TBL1XR1: variants seen among roughly 807,000 people sequenced by gnomAD.
TBL1XR1 encodes the protein F-box-like/WD repeat-containing protein TBL1XR1.
A neutral mutation model predicts 66.9 loss-of-function variants in TBL1XR1; 5 were observed. That is an observed-to-expected ratio of 0.07 (90% CI 0.04 to 0.16). TBL1XR1 has a LOEUF of 0.16. Ranked by LOEUF, TBL1XR1 falls within the 10% of genes least tolerant of loss-of-function variation. The pLI is 1.00. For synonymous variants in TBL1XR1, 210 were observed against 206.0 expected (o/e 1.02, Z -0.17); for missense variants, 238 against 623.2 (o/e 0.38, Z 6.58).
chr3:177,177,995 G>A (rs763526646), intron 1 of TBL1XR1, among the ~76,000 whole-genome samples: 1 of 152,242 alleles, frequency 6.6e-6, no homozygotes, highest in South Asian at 2.1e-4. Flanking sequence ...CCTCTCTGAG[G>A]TGTTGGCATT....
At chr3:177,112,654 G>A (rs1725796097) in intron 1 of TBL1XR1, among the ~76,000 whole-genome samples, 3 of 151,940 alleles carry the variant, frequency 2.0e-5, no homozygotes, top group South Asian at 2.1e-4. Flanking sequence ...TTAGGTGCCC[G>A]GCCAAATTTC....
rs953969237 is a variant in TBL1XR1 at position 177,197,202 on chromosome 3, A to ACCGCCT, written c.-209_-204dup. On this transcript the variant is annotated 5_prime_UTR_variant, in exon 1 of 16. Transcript: ENST00000457928. Reference sequence around the variant, plus strand: ...AATTCCCCTCCTCGCCGCCGCCGCCACCGCCTCCAACCACCCCCAAAATAA... The same window carrying ACCGCCT: ...AATTCCCCTCCTCGCCGCCGCCGCCACCGCCTCCGCCTCCAACCACCCCCAAAATAA... The ACCGCCT allele has an allele frequency of 2.0e-5, 3 of 152,146 alleles. No homozygotes were observed. The highest frequency in any genetic ancestry group is 7.3e-5 in the African/African-American group (3 of 40,936). The allele number at this position is 152,146 out of a possible 1,614,324, so 9.4% of individuals were successfully genotyped here.
chr3:177,135,301 C>G, intron 1 of TBL1XR1, among the ~76,000 whole-genome samples: 1 of 60,546 alleles, frequency 1.7e-5, no homozygotes, highest in Admixed American at 1.8e-4. Context: ...CGCACAAGGC[C>G]GCACTCTGTG....
chr3:177,201,782 C>T (rs186894864), upstream of TBL1XR1: 1 of 152,296 alleles, frequency 6.6e-6, no homozygotes, highest in East Asian at 1.9e-4. Flanking sequence ...TACCCCCAGG[C>T]GTCTTGCTGA....
At chr3:177,198,392 T>G (rs879812309), upstream of TBL1XR1, among the ~76,000 whole-genome samples, 1 of 152,248 alleles carries the variant, frequency 6.6e-6, no homozygotes, top group Non-Finnish European at 1.5e-5. Flanking sequence ...ACTAAATGTT[T>G]ACTAAATATA....
intron 7 of TBL1XR1, among the ~76,000 whole-genome samples, chr3:177,049,272 A>G (rs1018930765): frequency 6.6e-6 from 1 of 152,216 alleles, no homozygotes; most frequent in Non-Finnish European, 1.5e-5. Context: ...GCAAAGAACA[A>G]CTATCTTGAT....
At chr3:177,083,522 A>C (rs1456038056) in intron 2 of TBL1XR1, among the ~76,000 whole-genome samples, 1 of 152,232 alleles carries the variant, frequency 6.6e-6, no homozygotes, top group Non-Finnish European at 1.5e-5. Flanking sequence ...GATGAATGCC[A>C]TAAAAAAACA....
chr3:177,040,300 G>C (rs1197974473), intron 10 of TBL1XR1, among the ~76,000 whole-genome samples: 1 of 152,156 alleles, frequency 6.6e-6, no homozygotes, highest in African/African-American at 2.4e-5. Flanking sequence ...GGGCAACAGA[G>C]TAAGACTACT....
At chr3:177,084,292 T>TC (rs1721857133) in intron 2 of TBL1XR1, among the ~76,000 whole-genome samples, 1 of 152,132 alleles carries the variant, frequency 6.6e-6, no homozygotes, top group Non-Finnish European at 1.5e-5. Context: ...CACCACTCAT[T>TC]CCTACCACCT....
At chr3:177,117,505 T>G (rs1174790430) in intron 1 of TBL1XR1, among the ~76,000 whole-genome samples, 1 of 152,200 alleles carries the variant, frequency 6.6e-6, no homozygotes, top group Non-Finnish European at 1.5e-5. Context: ...AAAATAATGT[T>G]AAAACAGTCA....
intron 1 of TBL1XR1, among the ~76,000 whole-genome samples, chr3:177,181,708 C>G (rs1734844033): frequency 6.6e-6 from 1 of 150,856 alleles, no homozygotes; most frequent in Non-Finnish European, 1.5e-5. Flanking sequence ...AAACCACAGT[C>G]AAAGAGAAGG....
chr3:177,084,096 A>G (rs984923903), intron 2 of TBL1XR1, among the ~76,000 whole-genome samples: 3 of 151,000 alleles, frequency 2.0e-5, no homozygotes, highest in Non-Finnish European at 4.4e-5. Context: ...TCAAAAAAAA[A>G]AAAAAAGAAA....
chr3:177,185,735 C>A (rs1333528647), intron 1 of TBL1XR1, among the ~76,000 whole-genome samples: 1 of 151,922 alleles, frequency 6.6e-6, no homozygotes, highest in African/African-American at 2.4e-5. Context: ...ATTGGCTGGG[C>A]ACAGCAGCTC....
chr3:177,174,438 A>G (rs1406940374), intron 1 of TBL1XR1, among the ~76,000 whole-genome samples: 1 of 145,286 alleles, frequency 6.9e-6, no homozygotes, highest in Non-Finnish European at 1.5e-5. Context: ...AAAGGTTATG[A>G]TGATGACAAA....
chr3:177,047,807 A>T (rs1716521742), intron 7 of TBL1XR1: 1 of 426,310 alleles, frequency 2.3e-6, no homozygotes, highest in African/African-American at 2.0e-5. Context: ...GATCTACATC[A>T]CCCCACCTCA....
At chr3:177,188,993 G>A (rs1735781809) in intron 1 of TBL1XR1, among the ~76,000 whole-genome samples, 1 of 151,902 alleles carries the variant, frequency 6.6e-6, no homozygotes, top group African/African-American at 2.4e-5. Flanking sequence ...GGATCACGAG[G>A]TCAGGGGTTC....
intron 10 of TBL1XR1, among the ~76,000 whole-genome samples, chr3:177,040,106 C>T (rs1715372698): frequency 6.6e-6 from 1 of 152,066 alleles, no homozygotes; most frequent in South Asian, 2.1e-4. Context: ...CTGTTTGAGC[C>T]CAGGTGTTTG....
chr3:177,179,024 A>G (rs1373964282), intron 1 of TBL1XR1, among the ~76,000 whole-genome samples: 3 of 151,152 alleles, frequency 2.0e-5, no homozygotes, highest in East Asian at 2.0e-4. Context: ...GGCGGAGGCA[A>G]GAGAATTGCT....
intron 6 of TBL1XR1, 109 bp from the exon 7 acceptor site, chr3:177,050,247 C>A (rs1308755304): frequency 7.2e-7 from 1 of 1,398,534 alleles, no homozygotes. Context: ...ACGACTATCA[C>A]GAATTTTCAT....
Sources: gnomAD v4.1 joint callset for allele counts (sites outside exome capture counted in the v4.1 genomes callset) on GRCh38, gnomAD v4.1.1 for gene constraint, MANE v1.5 for transcripts, NCBI Gene and HGNC (gene_info 2026-07-23, HGNC 2026-07-21) for gene names.